ZFYVE9: variants seen among roughly 807,000 people sequenced by gnomAD.
ZFYVE9 encodes zinc finger FYVE domain-containing protein 9.
Under a neutral mutation model 126.7 loss-of-function variants are expected in ZFYVE9, and 43 were observed. That is an observed-to-expected ratio of 0.34 (90% CI 0.27 to 0.44). ZFYVE9 has a LOEUF of 0.44. Ranked by LOEUF, ZFYVE9 falls within the 20% of genes least tolerant of loss-of-function variation. The pLI is 1.00. For synonymous variants in ZFYVE9, 521 were observed against 597.4 expected (o/e 0.87, Z 1.87); for missense variants, 1,476 against 1,697.0 (o/e 0.87, Z 2.29).
chr1:52,255,132 C>T (rs1233940552), intron 4 of ZFYVE9, among the ~76,000 whole-genome samples: 1 of 149,582 alleles, frequency 6.7e-6, no homozygotes, highest in Non-Finnish European at 1.5e-5. Flanking sequence ...AAGTACAATA[C>T]ATATATTTGC....
chr1:52,327,738 C>T (rs563809245), intron 13 of ZFYVE9, among the ~76,000 whole-genome samples: 53 of 152,210 alleles, frequency 3.5e-4, no homozygotes, highest in African/African-American at 1.3e-3. Context: ...CTTTGGGAGG[C>T]CGAGGTGGGT....
At position 52,263,761 on chromosome 1, in the gene ZFYVE9, C is replaced by CT. The variant is rs766828498; in HGVS notation, c.2179-12_2179-11insT. 1.2e-6 allele frequency: 1 copy of CT among 839,330 alleles called. No homozygotes were observed. The highest frequency in any genetic ancestry group is 1.7e-6 in the Non-Finnish European group (1 of 575,106). The allele number at this position is 839,330 out of a possible 1,614,324, so 52.0% of individuals were successfully genotyped here. A position where few individuals can be genotyped will look rare whatever the true frequency, so the allele number is the denominator to read the frequency against. On this transcript the variant is annotated splice_polypyrimidine_tract_variant and intron_variant, in intron 4 of 18. Coordinates refer to ENST00000287727, the MANE Select transcript of ZFYVE9 (RefSeq NM_004799.4). ...TAAATTTTGTGTGTTCTTCCCCCCC[C>CT]CCCCCCCACAGGTTTTCTGTGCTTC...
intron 1 of ZFYVE9, among the ~76,000 whole-genome samples, chr1:52,178,847 C>G (rs926600473): frequency 6.6e-6 from 1 of 151,974 alleles, no homozygotes; most frequent in Non-Finnish European, 1.5e-5. Context: ...GCTCTGTTAC[C>G]CAGGCTGGAG....
chr1:52,242,031 C>CTTTTTTTT (rs975430437), intron 4 of ZFYVE9, among the ~76,000 whole-genome samples: 10 of 106,444 alleles, frequency 9.4e-5, no homozygotes, highest in South Asian at 6.2e-4. Flanking sequence ...TCATGGCAAT[C>CTTTTTTTT]TTTTTTTTTT....
chr1:52,275,517 A>G (rs1645736652), intron 8 of ZFYVE9, among the ~76,000 whole-genome samples: 1 of 152,140 alleles, frequency 6.6e-6, no homozygotes, highest in African/African-American at 2.4e-5. Context: ...CAGTGTATAC[A>G]TGTCCCCTTT....
chr1:52,266,930 G>A, intron 6 of ZFYVE9, 99 bp downstream of exon 6: 1 of 1,161,266 alleles, frequency 8.6e-7, no homozygotes, highest in Non-Finnish European at 1.2e-6. Context: ...AAACACTGCA[G>A]ATAAGTCTCT....
chr1:52,224,448 C>T (rs185517148), intron 2 of ZFYVE9, among the ~76,000 whole-genome samples: 1 of 152,136 alleles, frequency 6.6e-6, no homozygotes, highest in African/African-American at 2.4e-5. Flanking sequence ...TTGAATTTGG[C>T]TTTGCTTTCT....
chr1:52,255,955 TTTCTTTTCTTTTCTTTCTTTC>T (rs1645509153), intron 4 of ZFYVE9, among the ~76,000 whole-genome samples: 1 of 104,902 alleles, frequency 9.5e-6, no homozygotes, highest in Admixed American at 9.2e-5. Context: ...TTTCTTTTCT[TTTCTTTTCTTTTCTTTCTTTC>T]TTTCTTTCCT....
intron 1 of ZFYVE9, among the ~76,000 whole-genome samples, chr1:52,191,078 A>G (rs187026252): frequency 2.0e-4 from 30 of 152,162 alleles, no homozygotes; most frequent in Non-Finnish European, 3.2e-4. Flanking sequence ...GGGTGGGACT[A>G]TAAATGCATG....
intron 2 of ZFYVE9, among the ~76,000 whole-genome samples, chr1:52,219,336 T>C (rs1468152732): frequency 2.0e-5 from 3 of 152,198 alleles, no homozygotes; most frequent in Non-Finnish European, 4.4e-5. Flanking sequence ...TTAAACCTTT[T>C]TGAATGTTAG....
chr1:52,309,794 T>C (rs556869638), intron 13 of ZFYVE9, among the ~76,000 whole-genome samples: 1 of 152,226 alleles, frequency 6.6e-6, no homozygotes, highest in South Asian at 2.1e-4. Context: ...TTGGTGGCTA[T>C]ATGGAAAATG....
At chr1:52,188,776 TTGTTTTTAAGATAGCTTTTTTTTTA>T (rs1016010203) in intron 1 of ZFYVE9, among the ~76,000 whole-genome samples, 7 of 152,180 alleles carry the variant, frequency 4.6e-5, no homozygotes, top group Non-Finnish European at 7.4e-5. Context: ...GTTTTAGTTC[TTGTTTTTAAGATAGCTTTTTTTTTA>T]TGTTTTTAAG....
chr1:52,307,516 T>A (rs1469778698), intron 13 of ZFYVE9, among the ~76,000 whole-genome samples: 1 of 151,320 alleles, frequency 6.6e-6, no homozygotes, highest in African/African-American at 2.4e-5. Context: ...GAATTACAGG[T>A]GTGTGCCACT....
At chr1:52,324,331 T>C (rs1334886747) in intron 13 of ZFYVE9, among the ~76,000 whole-genome samples, 2 of 152,168 alleles carry the variant, frequency 1.3e-5, no homozygotes, top group African/African-American at 4.8e-5. Flanking sequence ...GTTGTCAATA[T>C]GTAGATTCAT....
At chr1:52,200,149 A>C (rs1250425639) in intron 1 of ZFYVE9, among the ~76,000 whole-genome samples, 1 of 150,990 alleles carries the variant, frequency 6.6e-6, no homozygotes, top group Non-Finnish European at 1.5e-5. Flanking sequence ...TCCTCTTAAC[A>C]GTGTCATTTG....
At chr1:52,166,503 GACTT>G (rs1644514941) in intron 1 of ZFYVE9, among the ~76,000 whole-genome samples, 1 of 152,042 alleles carries the variant, frequency 6.6e-6, no homozygotes, top group Non-Finnish European at 1.5e-5. Flanking sequence ...GTGTTTAACT[GACTT>G]AATCATTTTA....
chr1:52,300,363 A>G (rs916701773), intron 12 of ZFYVE9, among the ~76,000 whole-genome samples: 2 of 152,068 alleles, frequency 1.3e-5, no homozygotes, highest in African/African-American at 2.4e-5. Flanking sequence ...AGGCCAAGGC[A>G]GGCGGATCAC....
chr1:52,191,301 A>T (rs1644814857), intron 1 of ZFYVE9, among the ~76,000 whole-genome samples: 1 of 152,180 alleles, frequency 6.6e-6, no homozygotes, highest in African/African-American at 2.4e-5. Flanking sequence ...TAGTGTTCTT[A>T]CTTTACAAAT....
chr1:52,164,045 A>G (rs1644487781), intron 1 of ZFYVE9, among the ~76,000 whole-genome samples: 1 of 151,520 alleles, frequency 6.6e-6, no homozygotes, highest in South Asian at 2.1e-4. Flanking sequence ...CCCGCCTCCT[A>G]GGCTCAAGCC....
Sources: gnomAD v4.1 joint callset for allele counts (sites outside exome capture counted in the v4.1 genomes callset) on GRCh38, gnomAD v4.1.1 for gene constraint, MANE v1.5 for transcripts, NCBI Gene and HGNC (gene_info 2026-07-23, HGNC 2026-07-21) for gene names.